Variants in UEVLD observed in about 807,000 individuals in gnomAD.
UEVLD encodes the protein ubiquitin-conjugating enzyme E2 variant 3.
UEVLD carries 47 observed loss-of-function variants against 58.6 expected under a neutral mutation model. The observed-to-expected ratio is 0.80, with a 90% CI of 0.63 to 1.02. UEVLD has a LOEUF of 1.02. Ranked by LOEUF, UEVLD falls within the 50% of genes least tolerant of loss-of-function variation. The pLI, the probability that UEVLD is intolerant of heterozygous loss-of-function variation, is 0.00. For missense variants in UEVLD, 510 were observed against 550.6 expected (o/e 0.93, Z 0.74); for synonymous variants, 197 against 195.3 (o/e 1.01, Z -0.07).
At chr11:18,568,008 G>A (rs1852382285) in intron 4 of UEVLD, among the ~76,000 whole-genome samples, 1 of 152,022 alleles carries the variant, frequency 6.6e-6, no homozygotes, top group African/African-American at 2.4e-5. Context: ...AGTAGTGGAT[G>A]GTAGACCATG....
At position 18,544,774 on chromosome 11, in the gene UEVLD, T is replaced by C. The variant is rs1485151370; in HGVS notation, c.909A>G (p.Thr303=). 2 of 1,559,118 alleles carry C rather than the reference T, an allele frequency of 1.3e-6. No individual in the cohort carries two copies. Among genetic ancestry groups the C allele is most frequent in the Admixed American group, 2.2e-5 (1 of 46,430 alleles). The change falls in exon 9 of 12, where the codon ACA becomes ACG. Residue 303 remains threonine, a synonymous_variant. Coordinates refer to ENST00000396197, the MANE Select transcript of UEVLD (RefSeq NM_001040697.4). ...SQPVEIMTYV[T]WKLSTFPANR... ...TTGCAGGAAATGTACTCAGTTTCCA[T>C]GTTACATAGGTCATGATTTCCACTA...
chr11:18,581,571 C>G (rs1481533293), intron 1 of UEVLD, among the ~76,000 whole-genome samples: 1 of 151,962 alleles, frequency 6.6e-6, no homozygotes, highest in African/African-American at 2.4e-5. Context: ...GTAATCCCAG[C>G]TACTCAGGAG....
intron 7 of UEVLD, among the ~76,000 whole-genome samples, chr11:18,548,577 G>T (rs1375719081): frequency 6.6e-6 from 1 of 152,132 alleles, no homozygotes; most frequent in African/African-American, 2.4e-5. Flanking sequence ...ACAGGCATAT[G>T]CCACCACACC....
chr11:18,548,869 G>A (rs1851406046), intron 7 of UEVLD, among the ~76,000 whole-genome samples: 1 of 152,134 alleles, frequency 6.6e-6, no homozygotes, highest in African/African-American at 2.4e-5. Flanking sequence ...TTTAATTATG[G>A]TTCTTCATGA....
Position 18,534,461 on chromosome 11 carries a change from A to G in UEVLD, c.1125-8T>C. 1 of 1,559,850 alleles carries G rather than the reference A, an allele frequency of 6.4e-7. No individual in the cohort carries two copies. Among genetic ancestry groups the G allele is most frequent in the East Asian group, 2.4e-5 (1 of 41,250 alleles). On this transcript the variant is annotated splice_region_variant and splice_polypyrimidine_tract_variant and intron_variant, in intron 10 of 11. Transcript: ENST00000396197. ...CTTAGCAGTTCCATGGCTCTAGGTT[A>G]CAAAAATACGTGATCTCAGAAAATG...
chr11:18,551,057 G>A (rs1266137098), intron 7 of UEVLD, among the ~76,000 whole-genome samples: 6 of 152,046 alleles, frequency 3.9e-5, no homozygotes, highest in African/African-American at 1.4e-4. Flanking sequence ...ATTTAACAAG[G>A]GAAGAAGATT....
chr11:18,574,881 A>G (rs192871252), intron 3 of UEVLD, among the ~76,000 whole-genome samples: 2 of 152,306 alleles, frequency 1.3e-5, no homozygotes, highest in African/African-American at 2.4e-5. Context: ...GGAACAAAAT[A>G]TAGGTGTAAT....
At chr11:18,536,248 A>C (rs1468706924) in intron 10 of UEVLD, among the ~76,000 whole-genome samples, 158 bp downstream of exon 10, 1 of 152,254 alleles carries the variant, frequency 6.6e-6, no homozygotes, top group Non-Finnish European at 1.5e-5. Context: ...TCAGATAAGA[A>C]ATCAAAGAAT....
chr11:18,569,521 G>A (rs58303013), intron 4 of UEVLD, among the ~76,000 whole-genome samples: 2,339 of 152,152 alleles, frequency 0.015, 70 homozygotes, highest in African/African-American at 0.054. Flanking sequence ...AGATATATTA[G>A]ATATATACAA....
chr11:18,573,843 G>A (rs551332986), intron 3 of UEVLD, among the ~76,000 whole-genome samples: 3 of 152,216 alleles, frequency 2.0e-5, no homozygotes, highest in Admixed American at 1.3e-4. Flanking sequence ...AGAAGTCCCC[G>A]CAAATGCAGC....
intron 7 of UEVLD, among the ~76,000 whole-genome samples, chr11:18,550,704 T>G (rs986833049): frequency 1.3e-5 from 2 of 152,212 alleles, no homozygotes; most frequent in African/African-American, 4.8e-5. Flanking sequence ...CTCACTCTCT[T>G]GTCATGAATA....
chr11:18,542,349 G>A (rs554881312), intron 9 of UEVLD, among the ~76,000 whole-genome samples: 136 of 152,160 alleles, frequency 8.9e-4, no homozygotes, highest in Non-Finnish European at 1.2e-3. Flanking sequence ...ATGTATTCAA[G>A]TAATGAATGA....
Position 18,534,357 on chromosome 11 carries a change from TTTC to T in UEVLD, c.1218_1220del (p.Lys407del). Reference sequence around the variant, plus strand: ...TTGCTAAAGCTGATACAGAATGCACTTTCTTCTTATTGTTTACAATACTGTCAA... The same window carrying T: ...TTGCTAAAGCTGATACAGAATGCACTTTCTTATTGTTTACAATACTGTCAA... On this transcript the variant is annotated inframe_deletion, in exon 11 of 12. Transcript: ENST00000396197. 1.3e-6 allele frequency: 2 copies of T among 1,556,542 alleles called. No homozygotes were observed. Among genetic ancestry groups the T allele is most frequent in the East Asian group, 2.5e-5 (1 of 40,282 alleles).
At chr11:18,568,526 A>T (rs1194027718) in intron 4 of UEVLD, among the ~76,000 whole-genome samples, 2 of 152,172 alleles carry the variant, frequency 1.3e-5, no homozygotes, top group Admixed American at 6.5e-5. Flanking sequence ...TAAGAGTAAG[A>T]TCCATTTTTG....
intron 7 of UEVLD, among the ~76,000 whole-genome samples, chr11:18,550,831 T>TA (rs1353309678): frequency 6.6e-6 from 1 of 152,232 alleles, no homozygotes; most frequent in Non-Finnish European, 1.5e-5. Context: ...GCTAGGTGCC[T>TA]AAGCCTAACC....
chr11:18,555,423 TA>T (rs774366335), intron 7 of UEVLD, among the ~76,000 whole-genome samples: 504 of 136,224 alleles, frequency 3.7e-3, no homozygotes, highest in Admixed American at 5.3e-3. Flanking sequence ...GAGACTGTCT[TA>T]AAAAAAAAAA....
At chr11:18,577,758 G>A (rs558749439) in intron 2 of UEVLD, among the ~76,000 whole-genome samples, 32 of 151,790 alleles carry the variant, frequency 2.1e-4, no homozygotes, top group Non-Finnish European at 4.3e-4. Context: ...TGTAATCCCA[G>A]CTACTCGGAA....
intron 1 of UEVLD, among the ~76,000 whole-genome samples, chr11:18,586,740 A>T (rs929741951): frequency 2.0e-5 from 3 of 152,220 alleles, no homozygotes; most frequent in Non-Finnish European, 4.4e-5. Flanking sequence ...GTGAATGGTC[A>T]GGAAACTTCA....
intron 9 of UEVLD, chr11:18,536,732 T>A: frequency 2.6e-6 from 1 of 385,048 alleles, no homozygotes; most frequent in South Asian, 2.8e-5. Context: ...TCAGTAACAG[T>A]TCTGCAAGGG....
Sources: gnomAD v4.1 joint callset for allele counts (sites outside exome capture counted in the v4.1 genomes callset) on GRCh38, gnomAD v4.1.1 for gene constraint, MANE v1.5 for transcripts, NCBI Gene and HGNC (gene_info 2026-07-23, HGNC 2026-07-21) for gene names.